The following GRIK4 variants were observed in gnomAD, a reference collection of about 807,000 sequenced individuals.
The protein encoded by GRIK4 is glutamate receptor ionotropic, kainate 4.
Under a neutral mutation model 104.9 loss-of-function variants are expected in GRIK4, and 40 were observed. The ratio of observed to expected loss-of-function variants is 0.38; its 90% confidence interval spans 0.30 to 0.50. The LOEUF (loss-of-function observed/expected upper bound fraction) is 0.50, where lower values mean the gene tolerates loss of function less well. Ranked by LOEUF, GRIK4 falls within the 20% of genes least tolerant of loss-of-function variation. The probability of loss-of-function intolerance (pLI) is 0.93; values close to 1 mark genes in which losing one functional copy is unlikely to be tolerated. For missense variants in GRIK4, 1,047 were observed against 1,308.1 expected, an observed-to-expected ratio of 0.80 and a Z score of 3.08; for synonymous variants, 485 against 524.9, an observed-to-expected ratio of 0.92 and a Z score of 1.04.
intron 3 of GRIK4, among the ~76,000 whole-genome samples, chr11:120,711,332 G>A (rs1208978137): frequency 6.6e-6 from 1 of 152,170 alleles, no homozygotes; most frequent in Admixed American, 6.5e-5. Flanking sequence ...CACCAAGGTG[G>A]GACGAGATGT....
At position 120,647,582 on chromosome 11, in the gene GRIK4, C is replaced by T. The variant is rs142617530; in HGVS notation, c.-158-6103C>T. On this transcript the variant is annotated intron_variant, in intron 1 of 20. Coordinates refer to ENST00000527524, the MANE Select transcript of GRIK4 (RefSeq NM_014619.5). ...GGTTTTTTCACCATCCTTCGAACAG[C>T]CCTTGCTTGCTTTCCCCAGCACTTA... Among the ~76,000 whole-genome samples, 379 of 152,358 alleles carry T rather than the reference C, an allele frequency of 2.5e-3. 4 individuals carry two copies. The highest frequency in any genetic ancestry group is 8.8e-3 in the African/African-American group (367 of 41,588).
At chr11:120,585,483 G>A (rs1948648354) in intron 1 of GRIK4, among the ~76,000 whole-genome samples, 3 of 152,076 alleles carry the variant, frequency 2.0e-5, no homozygotes, top group South Asian at 2.1e-4. Context: ...TGAGTAGCTG[G>A]GATTACAGGT....
At chr11:120,639,346 A>G (rs1380959503) in intron 1 of GRIK4, among the ~76,000 whole-genome samples, 2 of 152,212 alleles carry the variant, frequency 1.3e-5, no homozygotes, top group Non-Finnish European at 2.9e-5. Flanking sequence ...TTATCCTGGA[A>G]CCATCTGAGC....
intron 11 of GRIK4, among the ~76,000 whole-genome samples, chr11:120,878,187 A>G (rs1282129607): frequency 6.6e-6 from 1 of 152,238 alleles, no homozygotes; most frequent in African/African-American, 2.4e-5. Flanking sequence ...AGCAGCACAC[A>G]TAAGCGGGCA....
intron 3 of GRIK4, among the ~76,000 whole-genome samples, chr11:120,676,588 C>T (rs1591794714): frequency 6.6e-6 from 1 of 152,128 alleles, no homozygotes; most frequent in African/African-American, 2.4e-5. Context: ...TCTAACAACC[C>T]ACACTCTCTT....
intron 1 of GRIK4, among the ~76,000 whole-genome samples, chr11:120,643,189 T>C (rs1949492210): frequency 6.6e-6 from 1 of 152,052 alleles, no homozygotes; most frequent in Non-Finnish European, 1.5e-5. Flanking sequence ...AGAAATATAA[T>C]AAGTAAATTA....
chr11:120,955,542 G>A (rs1208449449), intron 15 of GRIK4, among the ~76,000 whole-genome samples: 2 of 152,202 alleles, frequency 1.3e-5, no homozygotes, highest in African/African-American at 4.8e-5. Flanking sequence ...AGATGGGCCG[G>A]GGCTGCAAGC....
chr11:120,800,127 T>G (rs1051714087), intron 3 of GRIK4, among the ~76,000 whole-genome samples: 2 of 152,156 alleles, frequency 1.3e-5, no homozygotes, highest in African/African-American at 4.8e-5. Flanking sequence ...GTGCTGGGAT[T>G]ACAGGTGTGA....
At chr11:120,785,924 C>G (rs1413900203) in intron 3 of GRIK4, among the ~76,000 whole-genome samples, 1 of 152,248 alleles carries the variant, frequency 6.6e-6, no homozygotes, top group African/African-American at 2.4e-5. Flanking sequence ...TCACACTTCA[C>G]CTGCCCTGTC....
intron 1 of GRIK4, among the ~76,000 whole-genome samples, chr11:120,532,469 T>G (rs368059616): frequency 2.4e-4 from 36 of 152,340 alleles, no homozygotes; most frequent in African/African-American, 8.4e-4. Flanking sequence ...TTTGTGTAAA[T>G]TAATAATATT....
In GRIK4 at chr11:120,874,188, C is replaced by G. The variant is rs117994876; in HGVS notation, c.1029C>G (p.His343Gln). ...GCGGCTCGGCCCAGATCTGGCAGCACGGCACCAGCCTCATGAACTACCTGC... is the reference window on the plus strand; with the variant it reads ...GCGGCTCGGCCCAGATCTGGCAGCAGGGCACCAGCCTCATGAACTACCTGC... Reference protein sequence around the residue: ...LSCGSAQIWQHGTSLMNYLRM... With the variant: ...LSCGSAQIWQQGTSLMNYLRM... The change falls in exon 10 of 21, where the codon CAC becomes CAG. Residue 343 changes from histidine (H) to glutamine (Q), a missense_variant. His to Gln is a conservative substitution (Grantham distance 24). Around this residue, in one of 3 missense-constraint regions of GRIK4, gnomAD observed 447 missense variants for 514.9 expected, o/e 0.87. Coordinates refer to ENST00000527524, the MANE Select transcript of GRIK4 (RefSeq NM_014619.5). The G allele has an allele frequency of 5.6e-6, 9 of 1,612,826 alleles. No individual in the cohort carries two copies. The highest frequency in any genetic ancestry group is 1.7e-5 in the Admixed American group (1 of 60,004).
At chr11:120,668,234 G>C (rs532416724) in intron 3 of GRIK4, among the ~76,000 whole-genome samples, 5 of 151,386 alleles carry the variant, frequency 3.3e-5, no homozygotes, top group African/African-American at 1.2e-4. Flanking sequence ...TAGGCAGACA[G>C]AGAGATAGGT....
chr11:120,815,365 C>G lies in GRIK4; in HGVS notation c.248-13C>G. 6.7e-7 allele frequency: 1 copy of G among 1,488,840 alleles called. No individual in the cohort carries two copies. Among genetic ancestry groups the G allele is most frequent in the East Asian group, 2.5e-5 (1 of 40,490 alleles). The allele number at this position is 1,488,840 out of a possible 1,614,324, so 92.2% of individuals were successfully genotyped here. ...TGCTTTGCTTCTTTCCCTGTCCCTG[C>G]CGCTGGCTGCAGTGTGTCAGATCCT... On this transcript the variant is annotated splice_polypyrimidine_tract_variant and intron_variant, in intron 4 of 20. Transcript: ENST00000527524.
intron 9 of GRIK4, chr11:120,869,262 G>C (rs548569942): frequency 3.3e-5 from 5 of 152,660 alleles, no homozygotes; most frequent in Admixed American, 6.5e-5. Flanking sequence ...TGCAGCGGGG[G>C]AGAAGACGTT....
At chr11:120,672,358 G>A (rs1195164049) in intron 3 of GRIK4, among the ~76,000 whole-genome samples, 1 of 152,150 alleles carries the variant, frequency 6.6e-6, no homozygotes, top group Non-Finnish European at 1.5e-5. Context: ...AGAGGTTGCA[G>A]TGAGCCAGGA....
intron 1 of GRIK4, among the ~76,000 whole-genome samples, chr11:120,590,996 C>A (rs530660776): frequency 6.6e-6 from 1 of 152,168 alleles, no homozygotes; most frequent in East Asian, 1.9e-4. Context: ...ATGGTCATTG[C>A]CAAGAGGTGT....
intron 20 of GRIK4, among the ~76,000 whole-genome samples, chr11:120,984,754 G>A (rs1023368332): frequency 2.0e-5 from 3 of 151,004 alleles, no homozygotes; most frequent in African/African-American, 4.9e-5. Flanking sequence ...GGGCGACAGA[G>A]GAAGACTCTT....
chr11:120,628,004 T>C (rs978311669), intron 1 of GRIK4, among the ~76,000 whole-genome samples: 1 of 152,148 alleles, frequency 6.6e-6, no homozygotes. Context: ...ACTATGAAGA[T>C]GGTGAGAGGC....
At chr11:120,781,400 G>C (rs1161456906) in intron 3 of GRIK4, among the ~76,000 whole-genome samples, 1 of 152,094 alleles carries the variant, frequency 6.6e-6, no homozygotes, top group Non-Finnish European at 1.5e-5. Flanking sequence ...ACCCAGGCTA[G>C]AGTGCAGAGT....
Sources: gnomAD v4.1 joint callset for allele counts (sites outside exome capture counted in the v4.1 genomes callset) on GRCh38, gnomAD v4.1.1 for gene constraint, gnomAD v4.1.1 regional missense constraint, MANE v1.5 for transcripts, NCBI Gene and HGNC (gene_info 2026-07-23, HGNC 2026-07-21) for gene names.